Variants in CDH8 observed in about 807,000 individuals in gnomAD.
CDH8 encodes cadherin 8.
In CDH8, 17 loss-of-function variants were observed where a neutral mutation model predicts 68.1. That is an observed-to-expected ratio of 0.25 (90% CI 0.17 to 0.37). The LOEUF (loss-of-function observed/expected upper bound fraction) is 0.37. Among genes scored for constraint, CDH8 ranks in the 10% least tolerant of loss-of-function variants. CDH8 has a pLI of 1.00. For synonymous variants in CDH8, 372 were observed against 365.1 expected (o/e 1.02, Z -0.21); for missense variants, 763 against 999.3 (o/e 0.76, Z 3.19).
intron 4 of CDH8, among the ~76,000 whole-genome samples, chr16:61,845,050 G>A (rs1962774927): frequency 6.6e-6 from 1 of 151,986 alleles, no homozygotes; most frequent in African/African-American, 2.4e-5. Context: ...GACCCCATTT[G>A]GTAAAGGAAA....
intron 2 of CDH8, chr16:61,918,783 G>GC (rs1156379492): frequency 7.9e-5 from 12 of 152,202 alleles, no homozygotes; most frequent in African/African-American, 2.7e-4. Context: ...AAACAAAGCA[G>GC]CCGGGAAGCT....
intron 10 of CDH8, among the ~76,000 whole-genome samples, chr16:61,669,906 G>A (rs2142775917): frequency 6.6e-6 from 1 of 152,126 alleles, no homozygotes; most frequent in African/African-American, 2.4e-5. Flanking sequence ...TTTACAAACT[G>A]TTAACCTGAT....
chr16:61,987,504 C>T (rs1965648565), intron 2 of CDH8, among the ~76,000 whole-genome samples: 1 of 151,928 alleles, frequency 6.6e-6, no homozygotes, highest in Non-Finnish European at 1.5e-5. Context: ...TTGACTCTGT[C>T]TCAAAAAACA....
intron 2 of CDH8, among the ~76,000 whole-genome samples, chr16:61,986,137 T>A (rs1247897709): frequency 6.6e-6 from 1 of 151,768 alleles, no homozygotes. Context: ...TTGGCCAGGC[T>A]GGTCTTGAAC....
At chr16:61,740,434 A>T (rs1228933550) in intron 8 of CDH8, among the ~76,000 whole-genome samples, 2 of 152,128 alleles carry the variant, frequency 1.3e-5, no homozygotes, top group East Asian at 3.9e-4. Flanking sequence ...AATGAAAAGC[A>T]TATAAATGTT....
At chr16:61,900,205 G>C (rs575446988) in intron 3 of CDH8, among the ~76,000 whole-genome samples, 1 of 152,058 alleles carries the variant, frequency 6.6e-6, no homozygotes, top group East Asian at 1.9e-4. Flanking sequence ...ATACATGTCT[G>C]TATTTACCAA....
intron 7 of CDH8, among the ~76,000 whole-genome samples, chr16:61,808,027 A>G (rs1237053716): frequency 6.6e-6 from 1 of 152,256 alleles, no homozygotes; most frequent in Non-Finnish European, 1.5e-5. Context: ...TAAATGAAAT[A>G]TATGCAAAAA....
intron 2 of CDH8, among the ~76,000 whole-genome samples, chr16:62,014,855 G>A (rs752903348): frequency 6.6e-6 from 1 of 152,106 alleles, no homozygotes; most frequent in Non-Finnish European, 1.5e-5. Flanking sequence ...GTTTATGTAA[G>A]AGAGAGGATT....
intron 10 of CDH8, among the ~76,000 whole-genome samples, chr16:61,675,836 AAAGTTT>A (rs1426928877): frequency 1.3e-5 from 2 of 151,270 alleles, no homozygotes; most frequent in African/African-American, 4.8e-5. Flanking sequence ...ACTTGAAGTT[AAAGTTT>A]GATAAGCTAA....
intron 4 of CDH8, among the ~76,000 whole-genome samples, chr16:61,852,852 CCCTT>C (rs138549766): frequency 0.014 from 1,905 of 133,084 alleles, 26 homozygotes; most frequent in East Asian, 0.07. Context: ...CCTGACTCTG[CCCTT>C]CCTTCCTTCC....
chr16:61,935,419 A>G (rs1691011912), intron 2 of CDH8, among the ~76,000 whole-genome samples: 1 of 152,226 alleles, frequency 6.6e-6, no homozygotes, highest in Admixed American at 6.5e-5. Flanking sequence ...ATGAGTAGCA[A>G]TAGCATATAG....
In CDH8 at chr16:61,848,189, G is replaced by A. The variant is rs556341906; in HGVS notation, c.667+8930C>T. On this transcript the variant is annotated intron_variant, in intron 4 of 11. Coordinates refer to ENST00000577390, the MANE Select transcript of CDH8 (RefSeq NM_001796.5). ...TGAGAAAAAATCCTGATCCTACCTG[G>A]TGTGTTCACATTGGATGAATGCCAC... Among the ~76,000 whole-genome samples, 4 of 152,158 alleles carry A rather than the reference G, an allele frequency of 2.6e-5. No individual in the cohort carries two copies. In the South Asian group the frequency reaches 8.3e-4, roughly 32 times the overall value.
intron 2 of CDH8, among the ~76,000 whole-genome samples, chr16:61,916,958 T>C (rs1964248400): frequency 6.6e-6 from 1 of 152,148 alleles, no homozygotes; most frequent in South Asian, 2.1e-4. Context: ...ATAAATTGAT[T>C]TTTAATTATT....
chr16:61,764,869 G>T (rs1033301962), intron 8 of CDH8, among the ~76,000 whole-genome samples: 4 of 152,012 alleles, frequency 2.6e-5, no homozygotes, highest in African/African-American at 9.7e-5. Flanking sequence ...TATTGCAATT[G>T]TAAACCTGGA....
rs781148249 is a variant in CDH8 at position 61,706,620 on chromosome 16, C to CAAAAAAAAAAAAAAAAAAAA, written c.1654+7201_1654+7220dup. On this transcript the variant is annotated intron_variant, in intron 10 of 11. Transcript: ENST00000577390. ...TGGGCACCAGAGCAAGACTCTGTCT[C>CAAAAAAAAAAAAAAAAAAAA]AAAAAAAAAAAAAAAAAAAAAAAAG... Among the ~76,000 whole-genome samples, 16 of 60,382 alleles carry CAAAAAAAAAAAAAAAAAAAA rather than the reference C, an allele frequency of 2.6e-4. 2 individuals carry two copies. Among genetic ancestry groups the CAAAAAAAAAAAAAAAAAAAA allele is most frequent in the Non-Finnish European group, 4.2e-4 (14 of 33,516 alleles). 39.6% of individuals were successfully genotyped at this position (60,382 alleles called of 152,430 possible). A position where few individuals can be genotyped will look rare whatever the true frequency, so the allele number is the denominator to read the frequency against.
intron 7 of CDH8, among the ~76,000 whole-genome samples, chr16:61,793,507 G>A (rs1037047839): frequency 6.6e-6 from 1 of 151,924 alleles, no homozygotes; most frequent in African/African-American, 2.4e-5. Context: ...TGTGGTATTT[G>A]GATTTATGTT....
intron 10 of CDH8, among the ~76,000 whole-genome samples, chr16:61,658,498 A>G (rs751486193): frequency 2.0e-5 from 3 of 152,138 alleles, no homozygotes; most frequent in Non-Finnish European, 2.9e-5. Flanking sequence ...GGAGTAACTT[A>G]TAACTTACCT....
chr16:61,658,911 A>G (rs977172231), intron 10 of CDH8, among the ~76,000 whole-genome samples: 27 of 152,156 alleles, frequency 1.8e-4, no homozygotes, highest in African/African-American at 6.0e-4. Context: ...TTTAGCTTAT[A>G]AAAATGTCCA....
chr16:61,814,874 C>T (rs1238520585), intron 7 of CDH8, among the ~76,000 whole-genome samples: 2 of 152,168 alleles, frequency 1.3e-5, no homozygotes, highest in African/African-American at 2.4e-5. Flanking sequence ...CATGATCCAA[C>T]TGGGGTGGAG....
Sources: allele counts gnomAD v4.1 joint callset (sites outside exome capture counted in the v4.1 genomes callset), GRCh38; gene constraint gnomAD v4.1.1; transcripts MANE v1.5; gene names NCBI Gene and HGNC (gene_info 2026-07-23, HGNC 2026-07-21).